Variants in FER observed in about 807,000 individuals in gnomAD.
The protein encoded by FER is tyrosine-protein kinase Fer.
In FER, 63 loss-of-function variants were observed where a neutral mutation model predicts 111.0. The ratio of observed to expected loss-of-function variants is 0.57; its 90% CI spans 0.46 to 0.70. FER has a LOEUF of 0.70. Among genes scored for constraint, FER ranks in the 30% least tolerant of loss-of-function variants. The pLI is 0.00. For synonymous variants in FER, 327 were observed against 313.9 expected, an observed-to-expected ratio of 1.04 and a Z score of -0.44; for missense variants, 914 against 954.0, an observed-to-expected ratio of 0.96 and a Z score of 0.55.
intron 8 of FER, among the ~76,000 whole-genome samples, chr5:108,879,701 A>AAAAATATATATATATATAT: frequency 1.0e-5 from 1 of 99,094 alleles, no homozygotes; most frequent in African/African-American, 4.8e-5. Context: ...ATTAAAAAAA[A>AAAAATATATATATATATAT]ATATATATAT....
At chr5:108,785,940 G>T (rs1221457003) in intron 2 of FER, among the ~76,000 whole-genome samples, 1 of 152,202 alleles carries the variant, frequency 6.6e-6, no homozygotes, top group Non-Finnish European at 1.5e-5. Context: ...GTCTCTTGCA[G>T]TATTTGTTTA....
chr5:108,948,744 T>TA (rs1438396814), intron 11 of FER, among the ~76,000 whole-genome samples: 1 of 152,108 alleles, frequency 6.6e-6, no homozygotes, highest in Non-Finnish European at 1.5e-5. Flanking sequence ...AGAATTTCTA[T>TA]AATGAGTGGC....
rs2126891647 is a variant in FER at position 109,187,716 on chromosome 5, A to C, written c.*141A>C. On this transcript the variant is annotated 3_prime_UTR_variant, in exon 20 of 20. Coordinates refer to ENST00000281092, the MANE Select transcript of FER (RefSeq NM_005246.4). ...TTTTTTATTAACTGGGTGTTTTAAA[A>C]GTACGTTCCACTTGTAAAAAGTCAA... 9.2e-7 allele frequency: 1 copy of C among 1,090,790 alleles called. No individual in the cohort carries two copies. Among genetic ancestry groups the C allele is most frequent in the South Asian group, 1.6e-5 (1 of 63,968 alleles). The allele number at this position is 1,090,790 out of a possible 1,614,324, so 67.6% of individuals were successfully genotyped here. A position where few individuals can be genotyped will look rare whatever the true frequency, so the allele number is the denominator to read the frequency against.
chr5:109,116,687 G>T (rs373725293), intron 17 of FER, among the ~76,000 whole-genome samples: 1 of 152,036 alleles, frequency 6.6e-6, no homozygotes, highest in African/African-American at 2.4e-5. Flanking sequence ...CGAGATAATT[G>T]TTACTGATGC....
chr5:109,156,394 G>T (rs1755385716), intron 17 of FER, among the ~76,000 whole-genome samples: 1 of 152,050 alleles, frequency 6.6e-6, no homozygotes, highest in African/African-American at 2.4e-5. Context: ...GGTACCATTG[G>T]CTGATAAAGA....
intron 5 of FER, among the ~76,000 whole-genome samples, chr5:108,863,584 T>C (rs947201432): frequency 9.2e-5 from 14 of 152,196 alleles, no homozygotes; most frequent in African/African-American, 3.4e-4. Flanking sequence ...TCATTCATGG[T>C]TAGTATTACT....
chr5:109,176,061 GA>G, intron 17 of FER, among the ~76,000 whole-genome samples: 1 of 152,214 alleles, frequency 6.6e-6, no homozygotes, highest in African/African-American at 2.4e-5. Context: ...CTGTTGGTGA[GA>G]ATGTAAATTA....
chr5:108,908,986 A>C (rs775552029), intron 10 of FER, among the ~76,000 whole-genome samples: 1 of 152,180 alleles, frequency 6.6e-6, no homozygotes, highest in Non-Finnish European at 1.5e-5. Context: ...AGCCAAGATG[A>C]CATCACTGTT....
intron 13 of FER, among the ~76,000 whole-genome samples, chr5:108,970,330 C>G (rs1002334388): frequency 6.6e-6 from 1 of 152,026 alleles, no homozygotes; most frequent in Non-Finnish European, 1.5e-5. Flanking sequence ...ATTCTCCTGC[C>G]TCAGCCTCCC....
At chr5:108,890,431 GA>G (rs1199632767) in intron 9 of FER, among the ~76,000 whole-genome samples, 4 of 152,028 alleles carry the variant, frequency 2.6e-5, no homozygotes, top group Non-Finnish European at 5.9e-5. Flanking sequence ...TTCCTTCTGA[GA>G]ACTCCAAAGG....
chr5:109,107,127 A>G (rs17161607), intron 17 of FER, among the ~76,000 whole-genome samples: 24 of 152,076 alleles, frequency 1.6e-4, no homozygotes, highest in African/African-American at 5.8e-4. Context: ...TACACAGATA[A>G]GATAGAAGAG....
intron 17 of FER, among the ~76,000 whole-genome samples, chr5:109,160,034 G>A (rs1406777436): frequency 6.6e-6 from 1 of 152,160 alleles, no homozygotes; most frequent in Non-Finnish European, 1.5e-5. Context: ...GGAAAGAAAT[G>A]AACCAGAGAT....
chr5:109,080,198 A>G (rs1357924042), intron 16 of FER, among the ~76,000 whole-genome samples: 1 of 152,094 alleles, frequency 6.6e-6, no homozygotes, highest in Non-Finnish European at 1.5e-5. Flanking sequence ...ATAACTTGAA[A>G]GGAATGCCTG....
intron 10 of FER, among the ~76,000 whole-genome samples, chr5:108,937,111 T>C (rs1755574073): frequency 6.6e-6 from 1 of 152,048 alleles, no homozygotes; most frequent in Non-Finnish European, 1.5e-5. Context: ...ATTTAAATGA[T>C]GTCTAATAGC....
intron 16 of FER, among the ~76,000 whole-genome samples, chr5:109,093,944 G>T (rs1343086742): frequency 6.6e-6 from 1 of 152,016 alleles, no homozygotes. Flanking sequence ...CTGTCTATCA[G>T]AGGCAACTTT....
chr5:109,084,710 G>C (rs1777363473), intron 16 of FER, among the ~76,000 whole-genome samples: 1 of 151,690 alleles, frequency 6.6e-6, no homozygotes, highest in Non-Finnish European at 1.5e-5. Context: ...ATATTTTCTT[G>C]TGTTTTCTTT....
At chr5:109,116,999 A>G (rs1750333788) in intron 17 of FER, among the ~76,000 whole-genome samples, 1 of 152,076 alleles carries the variant, frequency 6.6e-6, no homozygotes, top group Admixed American at 6.6e-5. Context: ...TTGGAAGGGA[A>G]CCTTTCGTGA....
At chr5:109,052,538 G>C (rs924129452) in intron 16 of FER, 2 of 695,574 alleles carry the variant, frequency 2.9e-6, no homozygotes, top group Non-Finnish European at 5.1e-6. Context: ...GAAGTAAAAT[G>C]AAAAGGCAAA....
intron 13 of FER, among the ~76,000 whole-genome samples, chr5:109,000,258 CAG>C (rs1326851319): frequency 6.6e-6 from 1 of 151,200 alleles, no homozygotes; most frequent in Non-Finnish European, 1.5e-5. Flanking sequence ...GCATCATAAA[CAG>C]AATTTTAAAA....
Sources: allele counts gnomAD v4.1 joint callset (sites outside exome capture counted in the v4.1 genomes callset), GRCh38; gene constraint gnomAD v4.1.1; transcripts MANE v1.5; gene names NCBI Gene and HGNC (gene_info 2026-07-23, HGNC 2026-07-21).